ZGRF1: variants seen among roughly 807,000 people sequenced by gnomAD.
The protein encoded by ZGRF1 is 5'-3' DNA helicase ZGRF1.
In ZGRF1, 196 loss-of-function variants were observed where a neutral mutation model predicts 203.5. The observed-to-expected ratio is 0.96, with a 90% CI of 0.86 to 1.08. ZGRF1 has a LOEUF of 1.08. Among genes scored for constraint, ZGRF1 ranks in the 50% least tolerant of loss-of-function variants. The probability of loss-of-function intolerance (pLI) is 0.00; values close to 1 mark genes in which losing one functional copy is unlikely to be tolerated. For missense variants in ZGRF1, 2,326 were observed against 2,416.3 expected (o/e 0.96, Z 0.78); for synonymous variants, 809 against 841.3 (o/e 0.96, Z 0.66).
rs549746871 is a variant in ZGRF1 at position 112,568,447 on chromosome 4, A to T, written c.4439-5173T>A. On this transcript the variant is annotated intron_variant, in intron 16 of 27. Coordinates refer to ENST00000505019, the MANE Select transcript of ZGRF1 (RefSeq NM_018392.5). ...GAGTGCCGGCCAGGTGTGGTGGCTCACGCTTGTAATCCTAGCACTTTGGGA... is the reference window on the plus strand; with the variant it reads ...GAGTGCCGGCCAGGTGTGGTGGCTCTCGCTTGTAATCCTAGCACTTTGGGA... Among the ~76,000 whole-genome samples the T allele has an allele frequency of 6.6e-5, 10 of 152,260 alleles. No individual in the cohort carries two copies. The South Asian group carries it at 1.9e-3, about 28-fold the overall frequency.
intron 16 of ZGRF1, among the ~76,000 whole-genome samples, chr4:112,564,124 T>C (rs1268518506): frequency 1.3e-5 from 2 of 152,202 alleles, no homozygotes; most frequent in African/African-American, 4.8e-5. Flanking sequence ...TGCCAGGGCA[T>C]CAGCAATTGG....
In ZGRF1 at chr4:112,592,095, TC is replaced by T. The variant is rs1233752363; in HGVS notation, c.2977-2222del. On this transcript the variant is annotated intron_variant, in intron 10 of 27. Transcript: ENST00000505019. ...CTCCATTTTCTTACCTCTCATTCAT[TC>T]TTTTTTTTTTTTTTTTTTTGAGATC... Among the ~76,000 whole-genome samples, 830 of 149,944 alleles carry T rather than the reference TC, an allele frequency of 5.5e-3. 28 individuals are homozygous for T. In the East Asian group the frequency reaches 0.084, roughly 15 times the overall value.
intron 10 of ZGRF1, among the ~76,000 whole-genome samples, 199 bp downstream of exon 10, chr4:112,603,325 A>C (rs1750252750): frequency 6.6e-6 from 1 of 152,192 alleles, no homozygotes; most frequent in African/African-American, 2.4e-5. Context: ...TAATCTGTTA[A>C]ACTCCCAATG....
chr4:112,620,264 A>T, intron 4 of ZGRF1, 74 bp from the exon 5 acceptor site: 1 of 1,136,494 alleles, frequency 8.8e-7, no homozygotes, highest in Non-Finnish European at 1.2e-6. Flanking sequence ...GCTCACTAGC[A>T]CTAAGACACA....
At position 112,618,272 on chromosome 4, in the gene ZGRF1, T is replaced by C. The variant is rs371257176; in HGVS notation, c.1770A>G (p.Pro590=). The change falls in exon 6 of 28, where the codon CCA becomes CCG. Residue 590 remains proline (P), a synonymous_variant. Transcript: ENST00000505019. ...NCEEIEGEHL[P]FLTSVSDKPT... ...GTTTGTCACTAACAGATGTTAAGAA[T>C]GGCAAATGTTCACCCTCAATCTCTT... 8.4e-5 allele frequency: 135 copies of C among 1,613,830 alleles called. No homozygotes were observed. Among genetic ancestry groups the C allele is most frequent in the Non-Finnish European group, 2.3e-5 (27 of 1,179,902 alleles).
At chr4:112,564,025 C>T (rs1450703114) in intron 16 of ZGRF1, among the ~76,000 whole-genome samples, 4 of 151,998 alleles carry the variant, frequency 2.6e-5, no homozygotes, top group Admixed American at 6.6e-5. Context: ...TGGGAACGGA[C>T]GGCAGGGAAC....
chr4:112,616,575 G>A (rs1224186782), intron 6 of ZGRF1, among the ~76,000 whole-genome samples: 2 of 150,032 alleles, frequency 1.3e-5, no homozygotes, highest in African/African-American at 2.5e-5. Flanking sequence ...GGTGGCTCAC[G>A]CCTGTAATCC....
intron 10 of ZGRF1, among the ~76,000 whole-genome samples, chr4:112,600,962 T>C (rs1281725602): frequency 6.6e-6 from 1 of 152,046 alleles, no homozygotes; most frequent in Non-Finnish European, 1.5e-5. Flanking sequence ...ATACTGTCTT[T>C]TTCTCAATCC....
chr4:112,609,733 G>C (rs1391494392), intron 7 of ZGRF1, among the ~76,000 whole-genome samples: 1 of 151,860 alleles, frequency 6.6e-6, no homozygotes, highest in East Asian at 1.9e-4. Context: ...GGGAGGAGGA[G>C]GTTGCAGTGG....
At position 112,576,910 on chromosome 4, in the gene ZGRF1, T is replaced by C. The variant is rs550020552; in HGVS notation, c.4438+4753A>G. Among the ~76,000 whole-genome samples, 22 of 151,854 alleles carry C rather than the reference T, an allele frequency of 1.4e-4. No homozygotes were observed. The South Asian group carries it at 1.9e-3, about 13-fold the overall frequency. ...CTAGCAAGGCAGGCCAACATTCAAA[T>C]TCAGGAAATACAGAGAATGCCACAA... On this transcript the variant is annotated intron_variant, in intron 16 of 27. Transcript: ENST00000505019.
intron 22 of ZGRF1, among the ~76,000 whole-genome samples, chr4:112,550,922 AC>A (rs1239207622): frequency 6.6e-6 from 1 of 152,096 alleles, no homozygotes; most frequent in East Asian, 1.9e-4. Flanking sequence ...TTCACTCACC[AC>A]CCACTCACTG....
rs1260621132 is a variant in ZGRF1 at position 112,578,948 on chromosome 4, GC to G, written c.4438+2714del. ...AGGCCAGAATCACCCTGATACCAAA[GC>G]CTGGCAGAGACACAACAAAAAAACA... On this transcript the variant is annotated intron_variant, in intron 16 of 27. Coordinates refer to ENST00000505019, the MANE Select transcript of ZGRF1 (RefSeq NM_018392.5). Among the ~76,000 whole-genome samples, 4 of 122,684 alleles carry G rather than the reference GC, an allele frequency of 3.3e-5. 1 individual carries two copies. Among genetic ancestry groups the G allele is most frequent in the Non-Finnish European group, 7.3e-5 (4 of 54,980 alleles). 80.5% of individuals were successfully genotyped at this position (122,684 alleles called of 152,430 possible). A position where few individuals can be genotyped will look rare whatever the true frequency, so the allele number is the denominator to read the frequency against.
intron 3 of ZGRF1, among the ~76,000 whole-genome samples, chr4:112,627,813 G>A (rs919328466): frequency 3.9e-5 from 6 of 152,110 alleles, no homozygotes; most frequent in African/African-American, 1.2e-4. Context: ...TAGCTCCTGG[G>A]GCTGAGCATA....
At chr4:112,610,924 T>A (rs1053766550) in intron 7 of ZGRF1, 4 of 308,464 alleles carry the variant, frequency 1.3e-5, no homozygotes, top group African/African-American at 9.2e-5. Flanking sequence ...TATACATCAA[T>A]CTAACCATTT....
chr4:112,575,013 G>A (rs879660500), intron 16 of ZGRF1, among the ~76,000 whole-genome samples: 24 of 149,730 alleles, frequency 1.6e-4, no homozygotes, highest in Non-Finnish European at 1.9e-4. Flanking sequence ...GCAACAGAGT[G>A]AGACTCTGTC....
chr4:112,574,683 C>T (rs1453825403), intron 16 of ZGRF1, among the ~76,000 whole-genome samples: 3 of 152,042 alleles, frequency 2.0e-5, no homozygotes, highest in African/African-American at 7.2e-5. Flanking sequence ...AAGAGTAGGT[C>T]ACAAAATCTC....
intron 10 of ZGRF1, among the ~76,000 whole-genome samples, chr4:112,596,038 CAG>C (rs1256141474): frequency 6.6e-6 from 1 of 152,050 alleles, no homozygotes; most frequent in African/African-American, 2.4e-5. Flanking sequence ...TTTGTAAACT[CAG>C]AATATAAAGC....
chr4:112,600,785 A>T (rs577373925), intron 10 of ZGRF1, among the ~76,000 whole-genome samples: 1 of 152,010 alleles, frequency 6.6e-6, no homozygotes. Context: ...GTTCCTTATA[A>T]ATGCTAAACT....
intron 10 of ZGRF1, among the ~76,000 whole-genome samples, chr4:112,591,583 A>G (rs1748166914): frequency 1.3e-5 from 2 of 151,902 alleles, no homozygotes; most frequent in South Asian, 4.2e-4. Context: ...CTCACTGCCT[A>G]TCACCCTCCC....
Sources: allele counts gnomAD v4.1 joint callset (sites outside exome capture counted in the v4.1 genomes callset), GRCh38; gene constraint gnomAD v4.1.1; transcripts MANE v1.5; gene names NCBI Gene and HGNC (gene_info 2026-07-23, HGNC 2026-07-21).